The following SIRPA variants were observed in gnomAD, a reference collection of about 807,000 sequenced individuals.
The protein encoded by SIRPA is signal regulatory protein alpha.
A neutral mutation model predicts 50.3 loss-of-function variants in SIRPA; 9 were observed. That is an observed-to-expected ratio of 0.18 (90% confidence interval 0.11 to 0.31). SIRPA has a LOEUF of 0.31. Among genes scored for constraint, SIRPA ranks in the 10% least tolerant of loss-of-function variants. SIRPA has a pLI of 1.00. For synonymous variants in SIRPA, 265 were observed against 284.1 expected, an observed-to-expected ratio of 0.93 and a Z score of 0.68; for missense variants, 474 against 661.6, an observed-to-expected ratio of 0.72 and a Z score of 3.11.
At chr20:1,908,482 A>C (rs1984682818) in intron 1 of SIRPA, among the ~76,000 whole-genome samples, 1 of 151,860 alleles carries the variant, frequency 6.6e-6, no homozygotes, top group East Asian at 1.9e-4. Flanking sequence ...TCCTGCACAC[A>C]ATTCACATGC....
chr20:1,931,426 C>T (rs1318511308), intron 6 of SIRPA, among the ~76,000 whole-genome samples: 2 of 152,178 alleles, frequency 1.3e-5, no homozygotes, highest in Non-Finnish European at 2.9e-5. Context: ...ATCACTGTTC[C>T]CATGCTTCTT....
chr20:1,922,516 G>A lies in SIRPA; in HGVS notation c.958G>A (p.Val320Ile). Residue 320 changes from valine (V) to isoleucine (I), a missense_variant, in exon 4 of 8, where the codon GTA becomes ATA. By Grantham distance (29) the Val-to-Ile change is conservative (BLOSUM62 3). This residue lies in a region of SIRPA where 221 missense variants were observed against 359.9 expected (regional missense o/e 0.61). Transcript: ENST00000358771. ...YNWMSWLLVNVSAHRDDVKLT... is the reference protein window; with the variant it reads ...YNWMSWLLVNISAHRDDVKLT... Reference sequence around the variant, plus strand: ...CTGGATGAGCTGGCTCCTGGTGAATGTATCTGCCCACAGGGATGATGTGAA... The same window carrying A: ...CTGGATGAGCTGGCTCCTGGTGAATATATCTGCCCACAGGGATGATGTGAA... The A allele has an allele frequency of 1.2e-6, 2 of 1,614,204 alleles. No individual in the cohort carries two copies. Among genetic ancestry groups the A allele is most frequent in the Non-Finnish European group, 1.7e-6 (2 of 1,180,044 alleles).
At chr20:1,901,122 CCT>C (rs1258735089) in intron 1 of SIRPA, among the ~76,000 whole-genome samples, 1 of 146,734 alleles carries the variant, frequency 6.8e-6, no homozygotes, top group African/African-American at 2.4e-5. Context: ...CCTTAGTGCT[CCT>C]CTCATTTTTG....
chr20:1,929,956 C>A (rs1035448689), intron 6 of SIRPA, among the ~76,000 whole-genome samples: 1 of 152,140 alleles, frequency 6.6e-6, no homozygotes, highest in Admixed American at 6.5e-5. Flanking sequence ...CCTGTCCTCA[C>A]ATTTCACGGC....
At position 1,924,574 on chromosome 20, in the gene SIRPA, G is replaced by C. The variant is rs2122127695; in HGVS notation, c.1088-190G>C. Among the ~76,000 whole-genome samples, 1 of 152,342 alleles carries C rather than the reference G, an allele frequency of 6.6e-6. No homozygotes were observed. Among genetic ancestry groups the C allele is most frequent in the African/African-American group, 2.4e-5 (1 of 41,574 alleles). ...GGCACCTCAGCATGGTTTTTGTGCTGTTCATGGATGAGTCTCGTGGGCAAG... is the reference window on the plus strand; with the variant it reads ...GGCACCTCAGCATGGTTTTTGTGCTCTTCATGGATGAGTCTCGTGGGCAAG... On this transcript the variant is annotated intron_variant, in intron 4 of 7. Transcript: ENST00000358771. This position sits in a 1 kb window ranked among gnomAD's most constrained non-coding sequence, Gnocchi z 4.5.
intron 6 of SIRPA, among the ~76,000 whole-genome samples, chr20:1,929,457 G>C (rs1045704906): frequency 6.6e-6 from 1 of 152,120 alleles, no homozygotes; most frequent in Non-Finnish European, 1.5e-5. Flanking sequence ...TCCTGAGTTG[G>C]GGGGTGCAGG....
chr20:1,937,501 A>G lies in SIRPA; in HGVS notation c.1448A>G (p.Lys483Arg), dbSNP rs764882188. The change falls in exon 8 of 8, where the codon AAG (lysine) becomes AGG (arginine). Residue 483 changes from lysine to arginine, a missense_variant. Physicochemically the swap from Lys to Arg is conservative, Grantham distance 26. Around this residue, in one of 4 missense-constraint regions of SIRPA, gnomAD observed 180 missense variants for 206.7 expected, o/e 0.87. Transcript: ENST00000358771. This position sits in a 1 kb window ranked among gnomAD's most constrained non-coding sequence, Gnocchi z 8.3. ...LDMVHLNRTP[K>R]QPAPKPEPSF... ...ATGGTCCACCTCAACCGGACCCCCA[A>G]GCAGCCGGCCCCCAAGCCTGAGCCG... 7 of 1,613,942 alleles carry G rather than the reference A, an allele frequency of 4.3e-6. No homozygotes were observed. Among genetic ancestry groups the G allele is most frequent in the Non-Finnish European group, 5.1e-6 (6 of 1,180,002 alleles).
At position 1,940,517 on chromosome 20, in the gene SIRPA, C is replaced by T. The variant is rs1986802101; in HGVS notation, c.*2949C>T. On this transcript the variant is annotated 3_prime_UTR_variant, in exon 8 of 8. Coordinates refer to ENST00000358771, the MANE Select transcript of SIRPA (RefSeq NM_001040023.2). ...GTGGGTGCTCAATAAATGTTAGTTT[C>T]CTTTCTATCCCTCCATTAGATCATT... The T allele has an allele frequency of 6.6e-6, 1 of 152,164 alleles. No homozygotes were observed. The highest frequency in any genetic ancestry group is 6.5e-5 in the Admixed American group (1 of 15,278). 9.4% of individuals were successfully genotyped at this position (152,164 alleles called of 1,614,324 possible).
At chr20:1,901,475 C>T (rs1301203244) in intron 1 of SIRPA, among the ~76,000 whole-genome samples, 1 of 151,976 alleles carries the variant, frequency 6.6e-6, no homozygotes, top group Non-Finnish European at 1.5e-5. Context: ...CCGGCCTCCT[C>T]TCGTATTTCT....
chr20:1,902,083 CAT>C (rs1600393990), intron 1 of SIRPA, among the ~76,000 whole-genome samples: 1 of 152,222 alleles, frequency 6.6e-6, no homozygotes, highest in Non-Finnish European at 1.5e-5. Flanking sequence ...AAATTTCAAA[CAT>C]ATGCAAAATG....
In SIRPA at chr20:1,927,793, C is replaced by CA. The variant is rs527818614; in HGVS notation, c.1202-79dup. 1.1e-3 allele frequency: 1,469 copies of CA among 1,321,422 alleles called. 3 individuals are homozygous for CA. Among genetic ancestry groups the CA allele is most frequent in the Admixed American group, 2.5e-3 (149 of 59,610 alleles). 81.9% of individuals were successfully genotyped at this position (1,321,422 alleles called of 1,614,324 possible). ...CATTTCCTCTCCATGTCCCTGGAGGCAAACCTTTTGCCAAAAAATAGTTAC... is the reference window on the plus strand; with the variant it reads ...CATTTCCTCTCCATGTCCCTGGAGGCAAAACCTTTTGCCAAAAAATAGTTAC... On this transcript the variant is annotated intron_variant, in intron 5 of 7. Coordinates refer to ENST00000358771, the MANE Select transcript of SIRPA (RefSeq NM_001040023.2). The surrounding 1 kb of genome is among the most constrained non-coding windows in gnomAD (Gnocchi z 6.5).
At position 1,933,407 on chromosome 20, in the gene SIRPA, C is replaced by CCG. The variant is rs142325365; in HGVS notation, c.1227-1307_1227-1306insGC. On this transcript the variant is annotated intron_variant, in intron 6 of 7. Coordinates refer to ENST00000358771, the MANE Select transcript of SIRPA (RefSeq NM_001040023.2). This position sits in a 1 kb window ranked among gnomAD's most constrained non-coding sequence, Gnocchi z 4.4. ...GTACATAACATCAAATGCCACCCCC[C>CCG]CCCCGAAATATCTGGTGGGCAGATG... 0.045 allele frequency among the ~76,000 whole-genome samples: 6,894 copies of CCG among 151,730 alleles called. 221 individuals are homozygous for CCG. Among genetic ancestry groups the CCG allele is most frequent in the East Asian group, 0.078 (404 of 5,148 alleles).
At position 1,933,426 on chromosome 20, in the gene SIRPA, G is replaced by A. The variant is rs1030316650; in HGVS notation, c.1227-1289G>A. Among the ~76,000 whole-genome samples, 3 of 151,526 alleles carry A rather than the reference G, an allele frequency of 2.0e-5. No individual in the cohort carries two copies. Among genetic ancestry groups the A allele is most frequent in the Non-Finnish European group, 4.4e-5 (3 of 67,922 alleles). ...ACCCCCCCCCCGAAATATCTGGTGG[G>A]CAGATGAGTGGGTACATGAGGGCAG... On this transcript the variant is annotated intron_variant, in intron 6 of 7. Coordinates refer to ENST00000358771, the MANE Select transcript of SIRPA (RefSeq NM_001040023.2). This position sits in a 1 kb window ranked among gnomAD's most constrained non-coding sequence, Gnocchi z 4.4.
chr20:1,936,598 C>G lies in SIRPA; in HGVS notation c.1267-722C>G, dbSNP rs1159029690. ...TGCCCCTGTTCTCTGTCTCCCTGTCCCCAGCTTTGCCCTGAGTGAAGGTGA... is the reference window on the plus strand; with the variant it reads ...TGCCCCTGTTCTCTGTCTCCCTGTCGCCAGCTTTGCCCTGAGTGAAGGTGA... On this transcript the variant is annotated intron_variant, in intron 7 of 7. Coordinates refer to ENST00000358771, the MANE Select transcript of SIRPA (RefSeq NM_001040023.2). The surrounding 1 kb of genome is among the most constrained non-coding windows in gnomAD (Gnocchi z 4.2). Among the ~76,000 whole-genome samples the G allele has an allele frequency of 1.3e-5, 2 of 152,202 alleles. No homozygotes were observed. The highest frequency in any genetic ancestry group is 1.3e-4 in the Admixed American group (2 of 15,280).
intron 1 of SIRPA, among the ~76,000 whole-genome samples, chr20:1,895,753 G>A: frequency 6.6e-6 from 1 of 152,258 alleles, no homozygotes; most frequent in East Asian, 1.9e-4. Context: ...GTTTGTCTCT[G>A]TGGACTCTGA....
chr20:1,900,163 T>C (rs1490241363), intron 1 of SIRPA, among the ~76,000 whole-genome samples: 2 of 149,610 alleles, frequency 1.3e-5, no homozygotes, highest in Non-Finnish European at 3.0e-5. Flanking sequence ...TGCAATGGCG[T>C]GATCTCGGCT....
chr20:1,897,166 T>C, intron 1 of SIRPA, among the ~76,000 whole-genome samples: 1 of 152,204 alleles, frequency 6.6e-6, no homozygotes, highest in East Asian at 1.9e-4. Flanking sequence ...CACCAACACC[T>C]TTCTTGTGAG....
upstream of SIRPA, chr20:1,895,364 C>T: frequency 2.5e-6 from 2 of 808,064 alleles, no homozygotes; most frequent in South Asian, 5.3e-5. Flanking sequence ...GGGGGGGAGC[C>T]TTAGTCATTT....
At chr20:1,926,974 T>C (rs1986016753) in intron 5 of SIRPA, among the ~76,000 whole-genome samples, 1 of 152,368 alleles carries the variant, frequency 6.6e-6, no homozygotes, top group South Asian at 2.1e-4. Context: ...GGGTGACTGG[T>C]GTCCTATCAC....
Sources: gnomAD v4.1 joint callset for allele counts (sites outside exome capture counted in the v4.1 genomes callset) on GRCh38, gnomAD v4.1.1 for gene constraint, gnomAD v4.1.1 regional missense constraint, Gnocchi (gnomAD v3.1) non-coding constraint, MANE v1.5 for transcripts, NCBI Gene and HGNC (gene_info 2026-07-23, HGNC 2026-07-21) for gene names.